The following ZNF678 variants were observed in gnomAD, a reference collection of about 807,000 sequenced individuals.
The protein encoded by ZNF678 is zinc finger protein 678, also known as hypothetical protein MGC42493.
Under a neutral mutation model 3.0 loss-of-function variants are expected in ZNF678, and 5 were observed. The ratio of observed to expected loss-of-function variants is 1.69; its 90% CI spans 0.88 to 3.56. ZNF678 has a LOEUF of 3.56. Among genes scored for constraint, ZNF678 ranks in the 30% most tolerant of loss-of-function variants. ZNF678 has a pLI of 0.00. For missense variants in ZNF678, 593 were observed against 605.0 expected, an observed-to-expected ratio of 0.98 and a Z score of 0.21; for synonymous variants, 218 against 199.6, an observed-to-expected ratio of 1.09 and a Z score of -0.78.
At chr1:227,669,068 A>G (rs2102819568) in intron 5 of ZNF678, among the ~76,000 whole-genome samples, 1 of 152,204 alleles carries the variant, frequency 6.6e-6, no homozygotes, top group Non-Finnish European at 1.5e-5. Context: ...AATGGGACCT[A>G]ATTAAACTAA....
rs544065814 is a variant in ZNF678 at position 227,613,859 on chromosome 1, C to G, written c.-163-32685C>G. 3.3e-5 allele frequency among the ~76,000 whole-genome samples: 5 copies of G among 152,294 alleles called. 1 individual carries two copies. In the South Asian group the frequency reaches 1.0e-3, roughly 32 times the overall value. On this transcript the variant is annotated intron_variant, in intron 1 of 3. Transcript: ENST00000343776. ...AAGCCCCACGCCCAAAACTGTTTCTCTGGTGCCAACAAGTACTGCTGGAGT... is the reference window on the plus strand; with the variant it reads ...AAGCCCCACGCCCAAAACTGTTTCTGTGGTGCCAACAAGTACTGCTGGAGT...
chr1:227,588,192 A>T (rs1657313216), intron 1 of ZNF678, among the ~76,000 whole-genome samples: 2 of 152,130 alleles, frequency 1.3e-5, no homozygotes, highest in African/African-American at 4.8e-5. Context: ...ATAGTATTCC[A>T]TGGTGTGCAT....
Position 227,564,792 on chromosome 1 carries a change from C to T in ZNF678, c.-164+1068C>T, listed in dbSNP as rs181550983. On this transcript the variant is annotated intron_variant, in intron 1 of 3. Coordinates refer to ENST00000343776, the MANE Select transcript of ZNF678 (RefSeq NM_001367909.1). Reference sequence around the variant, plus strand: ...TGTAGCCCAGGCTGTAGTGCAGTGGCGCGATCTTGGCTCACTGCAACCTCT... The same window carrying T: ...TGTAGCCCAGGCTGTAGTGCAGTGGTGCGATCTTGGCTCACTGCAACCTCT... Among the ~76,000 whole-genome samples the T allele has an allele frequency of 6.3e-3, 955 of 152,246 alleles. 10 individuals are homozygous for T. The highest frequency in any genetic ancestry group is 0.022 in the African/African-American group (908 of 41,530).
intron 1 of ZNF678, among the ~76,000 whole-genome samples, chr1:227,644,579 A>G (rs1433263218): frequency 1.3e-5 from 2 of 152,144 alleles, no homozygotes; most frequent in South Asian, 2.1e-4. Flanking sequence ...GCTAAGTGCT[A>G]CTCATGATGG....
chr1:227,632,723 A>C (rs4376731), intron 1 of ZNF678, among the ~76,000 whole-genome samples: 31,949 of 152,130 alleles, frequency 0.21, 3,806 homozygotes, highest in East Asian at 0.44. Flanking sequence ...ATTCTAAGGA[A>C]GGATAGGACA....
intron 2 of ZNF678, among the ~76,000 whole-genome samples, chr1:227,648,745 G>T (rs1659019183): frequency 6.6e-6 from 1 of 152,032 alleles, no homozygotes; most frequent in Non-Finnish European, 1.5e-5. Flanking sequence ...GCTTGAATCT[G>T]GGAAGTGGAG....
intron 1 of ZNF678, among the ~76,000 whole-genome samples, chr1:227,629,764 T>C (rs569849051): frequency 6.6e-6 from 1 of 152,326 alleles, no homozygotes; most frequent in Non-Finnish European, 1.5e-5. Flanking sequence ...TTCCAGTGAT[T>C]CCCTTGACAT....
chr1:227,575,070 C>T (rs1453913358), intron 1 of ZNF678, among the ~76,000 whole-genome samples: 1 of 151,982 alleles, frequency 6.6e-6, no homozygotes, highest in Non-Finnish European at 1.5e-5. Flanking sequence ...GGTGTGCAGC[C>T]TTATTTCTAG....
At chr1:227,573,346 A>G (rs1254262682) in intron 1 of ZNF678, among the ~76,000 whole-genome samples, 2 of 152,220 alleles carry the variant, frequency 1.3e-5, no homozygotes, top group South Asian at 2.1e-4. Flanking sequence ...AAGTAGCACT[A>G]TTATTATATT....
chr1:227,638,843 A>G lies in ZNF678; in HGVS notation c.-163-7701A>G, dbSNP rs145073336. ...TTGGGGTTTGGAGAGTTGTCCATCA[A>G]TTCCCACAACAGAGACTTGGGAGGA... On this transcript the variant is annotated intron_variant, in intron 1 of 3. Coordinates refer to ENST00000343776, the MANE Select transcript of ZNF678 (RefSeq NM_001367909.1). This position sits in a 1 kb window ranked among gnomAD's most constrained non-coding sequence, Gnocchi z 4.2. Among the ~76,000 whole-genome samples, 4 of 152,238 alleles carry G rather than the reference A, an allele frequency of 2.6e-5. No homozygotes were observed. Among genetic ancestry groups the G allele is most frequent in the South Asian group, 4.2e-4 (2 of 4,816 alleles).
Position 227,654,452 on chromosome 1 carries a change from A to G in ZNF678, c.202A>G (p.Lys68Glu). Residue 68 changes from lysine (K) to glutamate (E), a missense_variant, in exon 4 of 4, where the codon AAA (lysine) becomes GAA (glutamate). Physicochemically the swap from Lys to Glu is moderately conservative, Grantham distance 56. Coordinates refer to ENST00000343776, the MANE Select transcript of ZNF678 (RefSeq NM_001367909.1). ...SWGLDNLHLV[K>E]DWRTVNEGKG... The stretch of plus-strand genomic sequence containing the variant: ...GGGCCTTGACAATTTGCACTTAGTG[A>G]AAGACTGGAGAACTGTGAATGAAGG... The G allele has an allele frequency of 6.2e-7, 1 of 1,613,234 alleles. No homozygotes were observed. The highest frequency in any genetic ancestry group is 8.5e-7 in the Non-Finnish European group (1 of 1,179,442).
Position 227,659,966 on chromosome 1 carries a change from G to C in ZNF678, c.*4138G>C, listed in dbSNP as rs1201527691. 1.3e-5 allele frequency: 2 copies of C among 151,678 alleles called. No homozygotes were observed. The highest frequency in any genetic ancestry group is 4.8e-5 in the African/African-American group (2 of 41,300). 9.4% of individuals were successfully genotyped at this position (151,678 alleles called of 1,614,324 possible). A position where few individuals can be genotyped will look rare whatever the true frequency, so the allele number is the denominator to read the frequency against. On this transcript the variant is annotated 3_prime_UTR_variant, in exon 4 of 4. Transcript: ENST00000343776. ...TTGAACTAATTCCTCCTAGCTAACA[G>C]GCATTGTTTATCATTTAACAGATAA... is the stretch of plus-strand genomic sequence containing the variant.
Position 227,589,564 on chromosome 1 carries a change from C to T in ZNF678, c.-164+25840C>T, listed in dbSNP as rs182139671. ...CTCCTGTCTCAAGAGCCAAGCTCCC[C>T]GAGTGAGCAATTCCTGTCCCTTTTA... is the stretch of plus-strand genomic sequence containing the variant. On this transcript the variant is annotated intron_variant, in intron 1 of 3. Coordinates refer to ENST00000343776, the MANE Select transcript of ZNF678 (RefSeq NM_001367909.1). Among the ~76,000 whole-genome samples the T allele has an allele frequency of 2.8e-3, 423 of 151,640 alleles. 16 individuals are homozygous for T. The highest frequency in any genetic ancestry group is 9.8e-3 in the African/African-American group (404 of 41,146).
At chr1:227,618,356 G>A (rs933110683) in intron 1 of ZNF678, among the ~76,000 whole-genome samples, 1 of 152,234 alleles carries the variant, frequency 6.6e-6, no homozygotes, top group Non-Finnish European at 1.5e-5. Context: ...TCTGTAGACT[G>A]GCATAGGTTG....
At chr1:227,623,851 T>C (rs1658342968) in intron 1 of ZNF678, among the ~76,000 whole-genome samples, 1 of 152,218 alleles carries the variant, frequency 6.6e-6, no homozygotes, top group Non-Finnish European at 1.5e-5. Flanking sequence ...GTAATAATAC[T>C]AACTGCAGCA....
chr1:227,631,954 T>TTA (rs758221387), intron 1 of ZNF678, among the ~76,000 whole-genome samples: 5 of 152,216 alleles, frequency 3.3e-5, no homozygotes, highest in African/African-American at 9.6e-5. Context: ...TAGTTCCAGT[T>TTA]GTTAAAGTAC....
At chr1:227,614,694 C>T (rs1658101587) in intron 1 of ZNF678, among the ~76,000 whole-genome samples, 2 of 152,188 alleles carry the variant, frequency 1.3e-5, no homozygotes, top group African/African-American at 2.4e-5. Context: ...TCAGATCTTC[C>T]CAGTCTGCAA....
chr1:227,595,740 C>G (rs921801502), intron 1 of ZNF678, among the ~76,000 whole-genome samples: 3 of 152,088 alleles, frequency 2.0e-5, no homozygotes, highest in African/African-American at 7.2e-5. Context: ...AAATCCAAGC[C>G]AGGTCAAAAC....
chr1:227,632,571 G>C (rs1658573845), intron 1 of ZNF678, among the ~76,000 whole-genome samples: 1 of 152,110 alleles, frequency 6.6e-6, no homozygotes, highest in Admixed American at 6.5e-5. Context: ...GTGGAAGCTA[G>C]TTCCAGGGAG....
Sources: allele counts gnomAD v4.1 joint callset (sites outside exome capture counted in the v4.1 genomes callset), GRCh38; gene constraint gnomAD v4.1.1; non-coding constraint Gnocchi (gnomAD v3.1); transcripts MANE v1.5; gene names NCBI Gene and HGNC (gene_info 2026-07-23, HGNC 2026-07-21).